CSMD1: variants seen among roughly 807,000 people sequenced by gnomAD.
CSMD1 encodes the protein CUB and Sushi multiple domains 1.
Under a neutral mutation model 417.5 loss-of-function variants are expected in CSMD1, and 213 were observed. That is an observed-to-expected ratio of 0.51 (90% CI 0.46 to 0.57). CSMD1 has a LOEUF of 0.57. Among genes scored for constraint, CSMD1 ranks in the 20% least tolerant of loss-of-function variants. The probability of loss-of-function intolerance (pLI) is 0.00; values close to 1 mark genes in which losing one functional copy is unlikely to be tolerated. For synonymous variants in CSMD1, 2,862 were observed against 1,736.8 expected (o/e 1.65, Z -16.11); for missense variants, 6,923 against 4,529.7 (o/e 1.53, Z -15.17).
At chr8:4,032,664 T>C (rs79905228) in intron 3 of CSMD1, among the ~76,000 whole-genome samples, 2,065 of 152,288 alleles carry the variant, frequency 0.014, 49 homozygotes, top group African/African-American at 0.047. Context: ...TATAAAAAAA[T>C]GTTCCACTAC....
chr8:4,130,076 T>G (rs1173842940), intron 3 of CSMD1, among the ~76,000 whole-genome samples: 1 of 152,176 alleles, frequency 6.6e-6, no homozygotes, highest in Non-Finnish European at 1.5e-5. Context: ...CTCCTGAGTG[T>G]GTGTGTGAGA....
chr8:4,732,361 GTGTGTGTGTGTGTGTGTGTGTA>G (rs1309581004), intron 1 of CSMD1, among the ~76,000 whole-genome samples: 1 of 148,100 alleles, frequency 6.8e-6, no homozygotes, highest in African/African-American at 2.5e-5. Flanking sequence ...GTGTGTGTGT[GTGTGTGTGTGTGTGTGTGTGTA>G]GTGTTTTTCC....
intron 5 of CSMD1, among the ~76,000 whole-genome samples, chr8:3,779,766 T>C (rs1177323776): frequency 6.6e-6 from 1 of 152,212 alleles, no homozygotes; most frequent in African/African-American, 2.4e-5. Flanking sequence ...AGATCCCAGG[T>C]CCTCATGCTC....
chr8:4,106,976 C>G (rs116444314), intron 3 of CSMD1, among the ~76,000 whole-genome samples: 75 of 152,310 alleles, frequency 4.9e-4, no homozygotes, highest in African/African-American at 1.5e-3. Flanking sequence ...ACGTCAGAGA[C>G]TCAGCAGATG....
intron 23 of CSMD1, among the ~76,000 whole-genome samples, chr8:3,312,829 C>G (rs991935071): frequency 7.9e-5 from 12 of 152,124 alleles, no homozygotes; most frequent in African/African-American, 2.9e-4. Flanking sequence ...TCTGGTGTTT[C>G]AGACACTTTG....
chr8:3,316,128 A>G (rs1805740197), intron 23 of CSMD1, among the ~76,000 whole-genome samples: 1 of 152,188 alleles, frequency 6.6e-6, no homozygotes. Context: ...GATGAACTGA[A>G]ATAATTTCAC....
chr8:4,502,380 T>C (rs368410920), intron 2 of CSMD1, among the ~76,000 whole-genome samples: 1 of 152,168 alleles, frequency 6.6e-6, no homozygotes, highest in Non-Finnish European at 1.5e-5. Flanking sequence ...TGGCATATAA[T>C]AATTGCTCAA....
rs143317807 is a variant in CSMD1 at position 4,199,356 on chromosome 8, T to A, written c.416-167257A>T. Among the ~76,000 whole-genome samples, 35 of 152,306 alleles carry A rather than the reference T, an allele frequency of 2.3e-4. No individual in the cohort carries two copies. In the East Asian group the frequency reaches 6.6e-3, roughly 29 times the overall value. The stretch of plus-strand genomic sequence containing the variant: ...ATCTGAAGTCTACCTCTAAAGCACA[T>A]AGATGCTTTAATAAAGATGCATAGT... On this transcript the variant is annotated intron_variant, in intron 3 of 69. Transcript: ENST00000635120.
At chr8:3,804,849 T>G (rs1800640922) in intron 5 of CSMD1, among the ~76,000 whole-genome samples, 1 of 152,148 alleles carries the variant, frequency 6.6e-6, no homozygotes, top group Admixed American at 6.6e-5. Context: ...AAAGGGTAGG[T>G]TTTCTTTCCT....
intron 5 of CSMD1, among the ~76,000 whole-genome samples, chr8:3,871,968 T>C (rs1262818269): frequency 1.3e-5 from 2 of 152,222 alleles, no homozygotes; most frequent in Non-Finnish European, 2.9e-5. Flanking sequence ...TTTCTATTTG[T>C]GAGCTACAAA....
chr8:4,895,806 G>A (rs1223331919), intron 1 of CSMD1, among the ~76,000 whole-genome samples: 1 of 151,812 alleles, frequency 6.6e-6, no homozygotes, highest in Non-Finnish European at 1.5e-5. Context: ...CTGTACAGCT[G>A]CTCCTAAATC....
chr8:4,492,784 A>T lies in CSMD1; in HGVS notation c.303-72719T>A, dbSNP rs535201898. Among the ~76,000 whole-genome samples the T allele has an allele frequency of 1.1e-3, 171 of 152,332 alleles. 1 individual carries two copies. The highest frequency in any genetic ancestry group is 3.9e-3 in the African/African-American group (161 of 41,582). ...ATGGGACACAAATCTCTTTCCATAC[A>T]GTTCTTGATCCTTATTCAGAGCACA... On this transcript the variant is annotated intron_variant, in intron 2 of 69. Transcript: ENST00000635120.
At chr8:3,659,982 C>G (rs984866550) in intron 7 of CSMD1, among the ~76,000 whole-genome samples, 9 of 152,204 alleles carry the variant, frequency 5.9e-5, no homozygotes, top group African/African-American at 2.2e-4. Context: ...AAATCCAACT[C>G]ACACACTGCT....
At chr8:4,044,566 G>T (rs935644316) in intron 3 of CSMD1, among the ~76,000 whole-genome samples, 1 of 152,192 alleles carries the variant, frequency 6.6e-6, no homozygotes, top group Non-Finnish European at 1.5e-5. Context: ...CCACGGCAGA[G>T]CTCGGTCACC....
chr8:3,154,295 T>G (rs1819381485), intron 39 of CSMD1, among the ~76,000 whole-genome samples: 1 of 152,228 alleles, frequency 6.6e-6, no homozygotes, highest in South Asian at 2.1e-4. Flanking sequence ...TTAAGGCGAC[T>G]GGGCTTGCCA....
chr8:3,989,374 G>A (rs980020041), intron 5 of CSMD1, among the ~76,000 whole-genome samples: 1 of 152,162 alleles, frequency 6.6e-6, no homozygotes, highest in South Asian at 2.1e-4. Context: ...CCTGCTGATA[G>A]AAAGGTAATG....
chr8:4,304,950 T>G (rs1429557423), intron 3 of CSMD1, among the ~76,000 whole-genome samples: 2 of 152,112 alleles, frequency 1.3e-5, no homozygotes, highest in Non-Finnish European at 2.9e-5. Flanking sequence ...TATCAGGCTG[T>G]GGTATTTGCT....
chr8:3,212,800 T>C (rs921113684), intron 30 of CSMD1, among the ~76,000 whole-genome samples: 1 of 151,664 alleles, frequency 6.6e-6, no homozygotes, highest in African/African-American at 2.4e-5. Context: ...TTTTATTTTG[T>C]TTTGCTTGTT....
At chr8:4,741,694 CT>C (rs1326271901) in intron 1 of CSMD1, among the ~76,000 whole-genome samples, 1 of 152,114 alleles carries the variant, frequency 6.6e-6, no homozygotes, top group Non-Finnish European at 1.5e-5. Flanking sequence ...TTTCCATTGT[CT>C]TCACTACTCC....
Sources: allele counts gnomAD v4.1 joint callset (sites outside exome capture counted in the v4.1 genomes callset), GRCh38; gene constraint gnomAD v4.1.1; transcripts MANE v1.5; gene names NCBI Gene and HGNC (gene_info 2026-07-23, HGNC 2026-07-21).